The following SPEG variants were observed in gnomAD, a reference collection of about 807,000 sequenced individuals.
The protein encoded by SPEG is striated muscle preferentially expressed protein kinase.
Under a neutral mutation model 300.4 loss-of-function variants are expected in SPEG, and 114 were observed. The ratio of observed to expected loss-of-function variants is 0.38; its 90% confidence interval spans 0.33 to 0.44. SPEG has a LOEUF of 0.44. Ranked by LOEUF, SPEG falls within the 20% of genes least tolerant of loss-of-function variation. The probability of loss-of-function intolerance (pLI) is 1.00; values close to 1 mark genes in which losing one functional copy is unlikely to be tolerated. For missense variants in SPEG, 4,201 were observed against 4,586.2 expected, an observed-to-expected ratio of 0.92 and a Z score of 2.43; for synonymous variants, 1,964 against 2,018.9, an observed-to-expected ratio of 0.97 and a Z score of 0.73.
Position 219,451,898 on chromosome 2 carries a change from G to A in SPEG, c.2440+91G>A, listed in dbSNP as rs1689788411. On this transcript the variant is annotated intron_variant, in intron 6 of 40. Transcript: ENST00000312358. The surrounding 1 kb of genome is among the most constrained non-coding windows in gnomAD (Gnocchi z 6.4). The stretch of plus-strand genomic sequence containing the variant: ...CAGTCCACCTCCCTTCCCACTCTCA[G>A]CCTTGAGCTTGGGCACCCCGCCAGC... 1 of 1,341,578 alleles carries A rather than the reference G, an allele frequency of 7.5e-7. No homozygotes were observed. The allele number at this position is 1,341,578 out of a possible 1,614,324, so 83.1% of individuals were successfully genotyped here. A position where few individuals can be genotyped will look rare whatever the true frequency, so the allele number is the denominator to read the frequency against.
In SPEG at chr2:219,448,697, G is replaced by C; in HGVS notation, c.1539G>C (p.Ser513=). Residue 513 remains serine (S), a synonymous_variant, in exon 4 of 41, where the codon TCG becomes TCC. Transcript: ENST00000312358. ...RSTSREELVR[S]HESLRATLQR... ...CGTCGCGGGAGGAGCTGGTGCGCTC[G>C]CACGAGTCCCTGCGCGCCACGCTGC... 1.3e-6 allele frequency: 2 copies of C among 1,493,050 alleles called. No homozygotes were observed. The highest frequency in any genetic ancestry group is 2.5e-5 in the South Asian group (2 of 80,000). The allele number at this position is 1,493,050 out of a possible 1,614,324, so 92.5% of individuals were successfully genotyped here. A position where few individuals can be genotyped will look rare whatever the true frequency, so the allele number is the denominator to read the frequency against.
chr2:219,489,808 G>A lies in SPEG; in HGVS notation c.8790G>A (p.Gln2930=), dbSNP rs2125593649. The change falls in exon 36 of 41, where the codon CAG becomes CAA. Residue 2930 remains glutamine, a synonymous_variant. Coordinates refer to ENST00000312358, the MANE Select transcript of SPEG (RefSeq NM_005876.5). ...PPPEPTKVTV[Q]SLSPAKEVVS... Reference sequence around the variant, plus strand: ...CTGAGCCTACCAAGGTGACTGTGCAGAGCCTCAGCCCGGCCAAGGAGGTGG... The same window carrying A: ...CTGAGCCTACCAAGGTGACTGTGCAAAGCCTCAGCCCGGCCAAGGAGGTGG... 6.2e-7 allele frequency: 1 copy of A among 1,613,586 alleles called. No individual in the cohort carries two copies. The highest frequency in any genetic ancestry group is 1.7e-4 in the Middle Eastern group (1 of 6,060).
intron 7 of SPEG, 116 bp downstream of exon 7, chr2:219,462,173 A>G: frequency 8.4e-7 from 1 of 1,192,590 alleles, no homozygotes; most frequent in Admixed American, 2.5e-5. Context: ...GCTCCCATTC[A>G]AACCCTCTTA....
chr2:219,446,010 A>G (rs907682), intron 3 of SPEG, among the ~76,000 whole-genome samples: 147,945 of 150,162 alleles, frequency 0.99, 72,922 homozygotes, highest in East Asian at 1. Flanking sequence ...TAGAGGGACT[A>G]GGGCATTTGG....
At chr2:219,478,228 C>T (rs908577659) in intron 22 of SPEG, 123 bp downstream of exon 22, 3 of 799,106 alleles carry the variant, frequency 3.8e-6, no homozygotes, top group Middle Eastern at 7.5e-4. Context: ...GGGAGGGATA[C>T]ATCTGGAGAC....
chr2:219,490,919 G>A lies in SPEG; in HGVS notation c.9348G>A (p.Arg3116=). The A allele has an allele frequency of 1.9e-6, 3 of 1,613,554 alleles. No individual in the cohort carries two copies. Among genetic ancestry groups the A allele is most frequent in the Non-Finnish European group, 2.5e-6 (3 of 1,179,964 alleles). The change falls in exon 38 of 41, where the codon AGG becomes AGA. Residue 3116 remains arginine, a synonymous_variant. Coordinates refer to ENST00000312358, the MANE Select transcript of SPEG (RefSeq NM_005876.5). ...AGCCCTACAACCCCCAGGCCCTTAG[G>A]CCCCTTGGCCACCGCACGGGCACGC... is the stretch of plus-strand genomic sequence containing the variant. ...SAQPYNPQAL[R]PLGHRTGTLE...
intron 6 of SPEG, among the ~76,000 whole-genome samples, chr2:219,452,016 A>G (rs1407518272): frequency 2.0e-5 from 3 of 152,234 alleles, no homozygotes; most frequent in Non-Finnish European, 4.4e-5. Context: ...CAAATCCCCA[A>G]GGCGCACAGA....
At position 219,483,963 on chromosome 2, in the gene SPEG, T is replaced by G; in HGVS notation, c.6500T>G (p.Leu2167Arg). ...GARRLQESPS[L>R]SALSEAQPSS... ...CGTAGGCTACAGGAGTCTCCTTCCCTGTCTGCCCTCAGCGAGGCCCAGCCA... is the reference window on the plus strand; with the variant it reads ...CGTAGGCTACAGGAGTCTCCTTCCCGGTCTGCCCTCAGCGAGGCCCAGCCA... Residue 2167 changes from leucine to arginine, a missense_variant, in exon 30 of 41, where the codon CTG (leucine) becomes CGG (arginine). By Grantham distance (102) the Leu-to-Arg change is moderately radical. This residue lies in a region of SPEG where 1,578 missense variants were observed against 1,506.0 expected (regional missense o/e 1.05). Transcript: ENST00000312358. 3 of 1,608,440 alleles carry G rather than the reference T, an allele frequency of 1.9e-6. No individual in the cohort carries two copies. Among genetic ancestry groups the G allele is most frequent in the Non-Finnish European group, 1.7e-6 (2 of 1,179,822 alleles).
At position 219,473,454 on chromosome 2, in the gene SPEG, G is replaced by T; in HGVS notation, c.4148-50G>T. The T allele has an allele frequency of 6.3e-7, 1 of 1,583,808 alleles. No individual in the cohort carries two copies. Among genetic ancestry groups the T allele is most frequent in the South Asian group, 1.1e-5 (1 of 89,990 alleles). On this transcript the variant is annotated intron_variant, in intron 16 of 40. Transcript: ENST00000312358. The surrounding 1 kb of genome is among the most constrained non-coding windows in gnomAD (Gnocchi z 4.6). ...GGGTGTTAGAGGAGTGGTGGGTGCT[G>T]AGGACCTGATGTCAAGCCCAGCACA...
Position 219,488,258 on chromosome 2 carries a change from C to G in SPEG, c.7806C>G (p.Thr2602=), listed in dbSNP as rs775678020. The stretch of plus-strand genomic sequence containing the variant: ...TGCTGCTGGAGGGGGAGGCAGCCAC[C>G]CTGCTCTGCCTGCCAGCGGCCTGCC... The part of the protein sequence containing the change: ...DQVLLEGEAA[T]LLCLPAACPA... The change falls in exon 32 of 41, where the codon ACC becomes ACG. Residue 2602 remains threonine (T), a synonymous_variant. Transcript: ENST00000312358. 2 of 1,613,554 alleles carry G rather than the reference C, an allele frequency of 1.2e-6. No individual in the cohort carries two copies. The highest frequency in any genetic ancestry group is 1.7e-6 in the Non-Finnish European group (2 of 1,179,860).
At chr2:219,453,018 C>A (rs1575071597) in intron 6 of SPEG, among the ~76,000 whole-genome samples, 1 of 152,352 alleles carries the variant, frequency 6.6e-6, no homozygotes, top group Admixed American at 6.5e-5. Flanking sequence ...TCCTCCTACC[C>A]CTCCTACCCC....
intron 38 of SPEG, 56 bp from the exon 39 acceptor site, chr2:219,491,737 GC>G: frequency 6.9e-7 from 1 of 1,443,556 alleles, no homozygotes; most frequent in Non-Finnish European, 9.7e-7. Flanking sequence ...GACCTCCCCC[GC>G]CCCCACTTCC....
chr2:219,486,076 C>T (rs1012607610), intron 31 of SPEG, among the ~76,000 whole-genome samples: 6 of 152,266 alleles, frequency 3.9e-5, no homozygotes, highest in African/African-American at 1.4e-4. Flanking sequence ...CTCCATTGCT[C>T]TGCAGCTCCG....
At position 219,480,784 on chromosome 2, in the gene SPEG, C is replaced by A; in HGVS notation, c.5369+87C>A. 2 of 1,254,054 alleles carry A rather than the reference C, an allele frequency of 1.6e-6. No individual in the cohort carries two copies. The highest frequency in any genetic ancestry group is 2.3e-6 in the Non-Finnish European group (2 of 854,164). 77.7% of individuals were successfully genotyped at this position (1,254,054 alleles called of 1,614,324 possible). On this transcript the variant is annotated intron_variant, in intron 26 of 40. Transcript: ENST00000312358. The surrounding 1 kb of genome is among the most constrained non-coding windows in gnomAD (Gnocchi z 5.3). ...GGCTGCAGCCCACCCCCTTCTCTTCCGCACCCCCCACTCCTTCTTGCACTG... is the reference window on the plus strand; with the variant it reads ...GGCTGCAGCCCACCCCCTTCTCTTCAGCACCCCCCACTCCTTCTTGCACTG...
Position 219,448,933 on chromosome 2 carries a change from G to A in SPEG, c.1775G>A (p.Arg592His), listed in dbSNP as rs1689526634. The A allele has an allele frequency of 6.7e-7, 1 of 1,492,430 alleles. No homozygotes were observed. The highest frequency in any genetic ancestry group is 2.2e-5 in the Admixed American group (1 of 44,838). 92.4% of individuals were successfully genotyped at this position (1,492,430 alleles called of 1,614,324 possible). A position where few individuals can be genotyped will look rare whatever the true frequency, so the allele number is the denominator to read the frequency against. Residue 592 changes from arginine to histidine, a missense_variant, in exon 4 of 41, where the codon CGT becomes CAT. Arg to His is a conservative substitution (Grantham distance 29). Around this residue, in one of 4 missense-constraint regions of SPEG, gnomAD observed 1,258 missense variants for 1,293.9 expected, o/e 0.97. Coordinates refer to ENST00000312358, the MANE Select transcript of SPEG (RefSeq NM_005876.5). ...GAAGGCCCGCAGCAGGAGGTTAGGC[G>A]TCGGGACCAATTCCCGCTGACCCGG... ...PGEGPQQEVR[R>H]RDQFPLTRSR...
rs4674402 is a variant in SPEG at position 219,473,343 on chromosome 2, T to C, written c.4148-161T>C. The C allele has an allele frequency of 0.35, 285,848 of 808,672 alleles. 52,278 individuals are homozygous for C. Among genetic ancestry groups the C allele is most frequent in the South Asian group, 0.5 (28,763 of 57,984 alleles). The allele number at this position is 808,672 out of a possible 1,614,324, so 50.1% of individuals were successfully genotyped here. On this transcript the variant is annotated intron_variant, in intron 16 of 40. Transcript: ENST00000312358. The surrounding 1 kb of genome is among the most constrained non-coding windows in gnomAD (Gnocchi z 4.6). ...CCCCACAACCTCAGCTTTGCTGCTC[T>C]CTGGCTGTGTTCCCCTGACAAATCG... is the stretch of plus-strand genomic sequence containing the variant.
rs141983809 is a variant in SPEG, at chr2:219,476,175, C to A, written c.4448-695C>A. On this transcript the variant is annotated intron_variant, in intron 18 of 40. Coordinates refer to ENST00000312358, the MANE Select transcript of SPEG (RefSeq NM_005876.5). ...ATGTGATATGTATGGAGAATGAAATCACAACCACATGTGGGAGATACTGAG... is the reference window on the plus strand; with the variant it reads ...ATGTGATATGTATGGAGAATGAAATAACAACCACATGTGGGAGATACTGAG... 3.7e-4 allele frequency among the ~76,000 whole-genome samples: 56 copies of A among 152,272 alleles called. No individual in the cohort carries two copies. The East Asian group carries it at 0.01, about 28-fold the overall frequency.
Position 219,451,192 on chromosome 2 carries a change from T to C in SPEG, c.2170T>C (p.Phe724Leu). ...AGAAGAGCCCCTAGAGGCCCCTGTG[T>C]TTGAGATCCCCCTGCAGAATGTGGT... ...AGEEPLEAPV[F>L]EIPLQNVVVA... Residue 724 changes from phenylalanine to leucine, a missense_variant, in exon 5 of 41, where the codon TTT becomes CTT. This residue lies in a region of SPEG where 1,258 missense variants were observed against 1,293.9 expected (regional missense o/e 0.97). Transcript: ENST00000312358. The surrounding 1 kb of genome is among the most constrained non-coding windows in gnomAD (Gnocchi z 6.4). 1 of 1,613,844 alleles carries C rather than the reference T, an allele frequency of 6.2e-7. No individual in the cohort carries two copies. The highest frequency in any genetic ancestry group is 8.5e-7 in the Non-Finnish European group (1 of 1,179,932).
rs768837532 is a variant in SPEG, at chr2:219,468,905, G to A, written c.3348G>A (p.Gly1116=). The A allele has an allele frequency of 6.2e-7, 1 of 1,613,754 alleles. No homozygotes were observed. Among genetic ancestry groups the A allele is most frequent in the Admixed American group, 1.7e-5 (1 of 60,006 alleles). The change falls in exon 12 of 41, where the codon GGG becomes GGA. Residue 1116 remains glycine, a synonymous_variant. Transcript: ENST00000312358. ...AGAACTTGCGGCTGCGGCAGGACGG[G>A]GGTCTGCACTCACTGCACATTGCCC... ...ESENLRLRQD[G]GLHSLHIAHV... is the part of the protein sequence containing the mutation.
Sources: gnomAD v4.1 joint callset for allele counts (sites outside exome capture counted in the v4.1 genomes callset) on GRCh38, gnomAD v4.1.1 for gene constraint, gnomAD v4.1.1 regional missense constraint, Gnocchi (gnomAD v3.1) non-coding constraint, MANE v1.5 for transcripts, NCBI Gene and HGNC (gene_info 2026-07-23, HGNC 2026-07-21) for gene names.